The following ISM2 variants were observed in gnomAD, a reference collection of about 807,000 sequenced individuals.
ISM2 encodes isthmin-2.
ISM2 carries 50 observed loss-of-function variants against 58.0 expected under a neutral mutation model. The ratio of observed to expected loss-of-function variants is 0.86; its 90% CI spans 0.69 to 1.09. The LOEUF is 1.09. ISM2 is among the 50% of genes least tolerant of loss of function. ISM2 has a pLI of 0.00. For synonymous variants in ISM2, 303 were observed against 312.4 expected (o/e 0.97, Z 0.32); for missense variants, 723 against 745.0 (o/e 0.97, Z 0.34).
chr14:77,498,238 C>T, intron 1 of ISM2: 1 of 1,293,636 alleles, frequency 7.7e-7, no homozygotes, highest in Non-Finnish European at 1.0e-6. Flanking sequence ...CCGTTTGAAC[C>T]TCAGCGGCCC....
intron 1 of ISM2, among the ~76,000 whole-genome samples, chr14:77,497,515 C>T (rs2079251325): frequency 6.6e-6 from 1 of 151,322 alleles, no homozygotes; most frequent in Admixed American, 6.6e-5. Flanking sequence ...TGAGACCCCC[C>T]CATCTCTACA....
At chr14:77,488,782 T>C (rs1417886461) in intron 1 of ISM2, among the ~76,000 whole-genome samples, 2 of 152,198 alleles carry the variant, frequency 1.3e-5, no homozygotes, top group African/African-American at 4.8e-5. Flanking sequence ...ATGCCAGTTC[T>C]TCACACCTCA....
intron 4 of ISM2, among the ~76,000 whole-genome samples, chr14:77,480,490 C>T (rs138618980): frequency 2.7e-5 from 4 of 150,088 alleles, no homozygotes; most frequent in African/African-American, 4.9e-5. Context: ...CCAGCACTGG[C>T]GCCAAGAGTT....
intron 6 of ISM2, among the ~76,000 whole-genome samples, chr14:77,476,447 A>C (rs2079099236): frequency 6.6e-6 from 1 of 152,218 alleles, no homozygotes; most frequent in Non-Finnish European, 1.5e-5. Flanking sequence ...ATCTTGGAAA[A>C]GGATCTGGGG....
chr14:77,496,905 A>G (rs2079245898), intron 1 of ISM2, among the ~76,000 whole-genome samples: 1 of 151,418 alleles, frequency 6.6e-6, no homozygotes, highest in Admixed American at 6.6e-5. Flanking sequence ...AAGGTAGCAA[A>G]ACTGGTCTAC....
chr14:77,490,631 G>T (rs1056643640), intron 1 of ISM2, among the ~76,000 whole-genome samples: 1 of 152,216 alleles, frequency 6.6e-6, no homozygotes, highest in Admixed American at 6.5e-5. Flanking sequence ...GGCAGTGGCT[G>T]CACCTTCTGG....
intron 1 of ISM2, among the ~76,000 whole-genome samples, chr14:77,491,874 T>A (rs1244530532): frequency 2.6e-5 from 4 of 151,948 alleles, no homozygotes; most frequent in Admixed American, 6.5e-5. Context: ...TTTTGTATTT[T>A]TAGTAGAGAC....
chr14:77,497,300 A>G (rs2079249018), intron 1 of ISM2, among the ~76,000 whole-genome samples: 1 of 149,008 alleles, frequency 6.7e-6, no homozygotes, highest in Non-Finnish European at 1.5e-5. Flanking sequence ...CTCGGGTGGC[A>G]GAAGTTGCAG....
Position 77,475,520 on chromosome 14 carries a change from G to A in ISM2, c.*75C>T, listed in dbSNP as rs534906797. The A allele has an allele frequency of 2.7e-4, 40 of 147,086 alleles. No homozygotes were observed. The East Asian group carries it at 9.5e-3, about 35-fold the overall frequency. 9.1% of individuals were successfully genotyped at this position (147,086 alleles called of 1,614,324 possible). Reference sequence around the variant, plus strand: ...CCTCACCCTGTCTGGGCAGGGGCGGGTGAGGAAAGTTCTCCCGTGCAACAG... The same window carrying A: ...CCTCACCCTGTCTGGGCAGGGGCGGATGAGGAAAGTTCTCCCGTGCAACAG... On this transcript the variant is annotated 3_prime_UTR_variant, in exon 7 of 7. Transcript: ENST00000342219. This position sits in a 1 kb window ranked among gnomAD's most constrained non-coding sequence, Gnocchi z 4.1.
intron 1 of ISM2, among the ~76,000 whole-genome samples, chr14:77,491,947 C>T (rs533295554): frequency 2.0e-5 from 3 of 151,876 alleles, no homozygotes; most frequent in East Asian, 3.9e-4. Context: ...CCGCCTGCCT[C>T]AGCCTCCCAA....
intron 1 of ISM2, among the ~76,000 whole-genome samples, chr14:77,494,772 T>G (rs1375840494): frequency 6.6e-6 from 1 of 152,180 alleles, no homozygotes; most frequent in Non-Finnish European, 1.5e-5. Flanking sequence ...CTCCTTAAAC[T>G]AACACCTTTG....
chr14:77,498,733 G>C lies in ISM2; in HGVS notation c.61C>G (p.Leu21Val). The stretch of plus-strand genomic sequence containing the variant: ...ACGGGGAGCCCTAGCGCCGCCTCCA[G>C]CAGCGCCGCCAGCAGCAGCACGCAG... The part of the protein sequence containing the change: ...LLCVLLLAAL[L>V]EAALGLPVKK... The change falls in exon 1 of 7, where the codon CTG (leucine) becomes GTG (valine). Residue 21 changes from leucine to valine, a missense_variant. Transcript: ENST00000342219. The C allele has an allele frequency of 6.7e-7, 1 of 1,482,460 alleles. No individual in the cohort carries two copies. The highest frequency in any genetic ancestry group is 8.9e-7 in the Non-Finnish European group (1 of 1,125,048). 91.8% of individuals were successfully genotyped at this position (1,482,460 alleles called of 1,614,324 possible).
Position 77,484,392 on chromosome 14 carries a change from C to T in ISM2, c.558G>A (p.Leu186=), listed in dbSNP as rs2079152843. The stretch of plus-strand genomic sequence containing the variant: ...CTGGCAGCTTCTGCAGCTCCAGCAG[C>T]AAGGGAGTAACCTCCTGGGTCCTGG... The part of the protein sequence containing the change: ...TPPRTQEVTP[L]LLELQKLPEL... The change falls in exon 3 of 7, where the codon TTG becomes TTA. Residue 186 remains leucine (L), a synonymous_variant. Transcript: ENST00000342219. 19 of 1,612,634 alleles carry T rather than the reference C, an allele frequency of 1.2e-5. 1 individual carries two copies. The highest frequency in any genetic ancestry group is 1.4e-5 in the Non-Finnish European group (16 of 1,179,476).
intron 6 of ISM2, among the ~76,000 whole-genome samples, chr14:77,476,537 T>G (rs1430691608): frequency 6.6e-6 from 1 of 152,196 alleles, no homozygotes; most frequent in Non-Finnish European, 1.5e-5. Context: ...ATTCTTGTTC[T>G]GAACGCTGCC....
chr14:77,484,975 C>A (rs2079159088), intron 1 of ISM2, 56 bp from the exon 2 acceptor site: 1 of 1,512,886 alleles, frequency 6.6e-7, no homozygotes, highest in Admixed American at 2.3e-5. Context: ...CCACGGGGAT[C>A]CGGAAAAGGC....
rs2079209401 is a variant in ISM2 at position 77,492,150 on chromosome 14, C to G, written c.141+6503G>C. Among the ~76,000 whole-genome samples the G allele has an allele frequency of 1.3e-5, 2 of 152,186 alleles. 1 individual carries two copies. Among genetic ancestry groups the G allele is most frequent in the East Asian group, 3.9e-4 (2 of 5,190 alleles). The stretch of plus-strand genomic sequence containing the variant: ...GTGCTGGAATTACAGGCATGAGCCA[C>G]CACACCCAGCCTCTCTTGCCTAATT... On this transcript the variant is annotated intron_variant, in intron 1 of 6. Transcript: ENST00000342219.
chr14:77,489,501 G>A (rs1255297197), intron 1 of ISM2, among the ~76,000 whole-genome samples: 1 of 152,188 alleles, frequency 6.6e-6, no homozygotes, highest in Non-Finnish European at 1.5e-5. Flanking sequence ...CAGAGGAATA[G>A]GGCTGGATTT....
At chr14:77,489,948 A>C (rs12880415) in intron 1 of ISM2, among the ~76,000 whole-genome samples, 145,916 of 152,168 alleles carry the variant, frequency 0.96, 70,258 homozygotes, top group East Asian at 1. Flanking sequence ...ACTGCAAGCT[A>C]AGCCTCCCGG....
At chr14:77,489,142 T>C (rs941245172) in intron 1 of ISM2, among the ~76,000 whole-genome samples, 1 of 152,230 alleles carries the variant, frequency 6.6e-6, no homozygotes, top group African/African-American at 2.4e-5. Flanking sequence ...AGACCCTTAC[T>C]GCATTGCGTG....
Sources: allele counts gnomAD v4.1 joint callset (sites outside exome capture counted in the v4.1 genomes callset), GRCh38; gene constraint gnomAD v4.1.1; non-coding constraint Gnocchi (gnomAD v3.1); transcripts MANE v1.5; gene names NCBI Gene and HGNC (gene_info 2026-07-23, HGNC 2026-07-21).